Variants in STK3 observed in about 807,000 individuals in gnomAD.
STK3 encodes serine/threonine kinase 3, also known as serine/threonine-protein kinase 3.
In STK3, 41 loss-of-function variants were observed where a neutral mutation model predicts 58.0. The ratio of observed to expected loss-of-function variants is 0.71; its 90% CI spans 0.55 to 0.92. The LOEUF (loss-of-function observed/expected upper bound fraction) is 0.92, where lower values mean the gene tolerates loss of function less well. Among genes scored for constraint, STK3 ranks in the 40% least tolerant of loss-of-function variants. The probability of loss-of-function intolerance (pLI) is 0.00; values close to 1 mark genes in which losing one functional copy is unlikely to be tolerated. For missense variants in STK3, 479 were observed against 602.7 expected (o/e 0.79, Z 2.15); for synonymous variants, 170 against 191.0 (o/e 0.89, Z 0.91).
intron 10 of STK3, among the ~76,000 whole-genome samples, chr8:98,482,767 G>C (rs1252039938): frequency 6.6e-6 from 1 of 152,024 alleles, no homozygotes; most frequent in Non-Finnish European, 1.5e-5. Flanking sequence ...ATTATTCCCT[G>C]GGTAGAAGTT....
chr8:98,919,920 C>T lies in STK3; in HGVS notation c.-79+22458G>A, dbSNP rs1265367242. Among the ~76,000 whole-genome samples the T allele has an allele frequency of 3.9e-5, 6 of 152,274 alleles. 1 individual carries two copies. The South Asian group carries it at 1.2e-3, about 32-fold the overall frequency. On this transcript the variant is annotated intron_variant, in intron 1 of 1. Coordinates refer to the STK3 transcript ENST00000519420. ...ATGTTGGGGGGAGGGAGGAAGGAGC[C>T]TTTTGTCCCCTGCACATTTCTTGTC... is the stretch of plus-strand genomic sequence containing the variant.
intron 3 of STK3, among the ~76,000 whole-genome samples, chr8:98,862,931 A>C (rs907837108): frequency 1.3e-5 from 2 of 152,190 alleles, no homozygotes; most frequent in South Asian, 2.1e-4. Context: ...CACTTGGTGG[A>C]TTGGCCAATT....
At chr8:98,363,827 C>T in the STK3 span, among the ~76,000 whole-genome samples, 1 of 152,298 alleles carries the variant, frequency 6.6e-6, no homozygotes, top group East Asian at 1.9e-4. Context: ...ATTTCACAGC[C>T]AGAGGAGGGC....
intron 4 of STK3, among the ~76,000 whole-genome samples, chr8:98,741,246 T>C (rs1829179574): frequency 6.6e-6 from 1 of 152,228 alleles, no homozygotes; most frequent in Non-Finnish European, 1.5e-5. Context: ...CAAGTGGACC[T>C]AATAGACATC....
intron 4 of STK3, among the ~76,000 whole-genome samples, chr8:98,724,860 T>A (rs1827687055): frequency 6.6e-6 from 1 of 152,152 alleles, no homozygotes; most frequent in Non-Finnish European, 1.5e-5. Context: ...TTTACGTAGG[T>A]CTTAAAGACT....
intron 1 of STK3, among the ~76,000 whole-genome samples, chr8:98,907,488 G>A (rs562863196): frequency 6.6e-6 from 1 of 152,260 alleles, no homozygotes; most frequent in South Asian, 2.1e-4. Flanking sequence ...ACTCCAGCCT[G>A]GGCGACAGGG....
intron 1 of STK3, among the ~76,000 whole-genome samples, chr8:98,445,335 T>C (rs1161889473): frequency 1.3e-5 from 2 of 152,160 alleles, no homozygotes; most frequent in Non-Finnish European, 2.9e-5. Flanking sequence ...TCACGCAAAC[T>C]ACAAATGTGA....
chr8:98,456,003 A>G lies in STK3; in HGVS notation c.1318-3T>C, dbSNP rs764561884. The stretch of plus-strand genomic sequence containing the variant: ...TCTTCTAAACTTAGATTTTTCAACT[A>G]GATACAGAAAGAAAGATACCAATAC... On this transcript the variant is annotated splice_region_variant and splice_polypyrimidine_tract_variant and intron_variant, in intron 10 of 10. Coordinates refer to ENST00000419617, the MANE Select transcript of STK3 (RefSeq NM_006281.4). 6.3e-7 allele frequency: 1 copy of G among 1,599,096 alleles called. No homozygotes were observed. The highest frequency in any genetic ancestry group is 8.5e-7 in the Non-Finnish European group (1 of 1,171,970).
intron 10 of STK3, among the ~76,000 whole-genome samples, chr8:98,492,785 C>T (rs955149001): frequency 4.6e-5 from 7 of 152,074 alleles, no homozygotes; most frequent in African/African-American, 1.2e-4. Context: ...TTCCTTTGAC[C>T]CAGAGTAACA....
At chr8:98,791,935 C>T (rs1311196412) in intron 1 of STK3, among the ~76,000 whole-genome samples, 1 of 152,132 alleles carries the variant, frequency 6.6e-6, no homozygotes, top group African/African-American at 2.4e-5. Context: ...AACCCAAAAG[C>T]AAATGCAATA....
At chr8:98,391,106 T>C (rs1422611564), upstream of STK3, among the ~76,000 whole-genome samples, 1 of 152,210 alleles carries the variant, frequency 6.6e-6, no homozygotes, top group Non-Finnish European at 1.5e-5. Context: ...TAATTTTGAA[T>C]TGTATCCTGG....
intron 3 of STK3, among the ~76,000 whole-genome samples, chr8:98,850,782 T>A (rs1053834460): frequency 6.6e-6 from 1 of 152,114 alleles, no homozygotes; most frequent in African/African-American, 2.4e-5. Context: ...CCTGTGTGCC[T>A]GGGGGTTCAG....
chr8:98,877,746 G>C (rs1003014316), intron 3 of STK3, among the ~76,000 whole-genome samples: 7 of 151,946 alleles, frequency 4.6e-5, no homozygotes, highest in Non-Finnish European at 1.0e-4. Context: ...GCCTCCCAAA[G>C]TGTTGGGATT....
intron 2 of STK3, among the ~76,000 whole-genome samples, chr8:98,372,416 C>G (rs1817619728): frequency 6.6e-6 from 1 of 152,220 alleles, no homozygotes; most frequent in Admixed American, 6.5e-5. Context: ...CGCCACAGCT[C>G]CCCGGCCCCT....
chr8:98,586,345 A>T (rs890312066), intron 7 of STK3, among the ~76,000 whole-genome samples: 38 of 151,896 alleles, frequency 2.5e-4, no homozygotes, highest in African/African-American at 5.6e-4. Flanking sequence ...TCTGCATCTA[A>T]TGAGATAATC....
the STK3 span, among the ~76,000 whole-genome samples, chr8:98,365,954 AT>A: frequency 7.5e-4 from 111 of 147,978 alleles, no homozygotes; most frequent in Admixed American, 2.4e-3. Context: ...TGTGGTTTCC[AT>A]TTTTTTTTTG....
intron 9 of STK3, among the ~76,000 whole-genome samples, chr8:98,545,292 G>T (rs1810609248): frequency 6.6e-6 from 1 of 152,132 alleles, no homozygotes; most frequent in African/African-American, 2.4e-5. Flanking sequence ...GTGCCAGACT[G>T]TGAAGGATCT....
At chr8:98,397,755 C>G (rs1208264622), downstream of STK3, among the ~76,000 whole-genome samples, 2 of 151,990 alleles carry the variant, frequency 1.3e-5, no homozygotes, top group Admixed American at 1.3e-4. Flanking sequence ...AGCGGTTTCT[C>G]CCATGCTGTT....
At chr8:98,414,325 C>G (rs1340375411) in intron 3 of STK3, among the ~76,000 whole-genome samples, 2 of 152,078 alleles carry the variant, frequency 1.3e-5, no homozygotes, top group Admixed American at 6.5e-5. Context: ...TAGGGTCTAC[C>G]ATTTCCTCTC....
Sources: gnomAD v4.1 joint callset for allele counts (sites outside exome capture counted in the v4.1 genomes callset) on GRCh38, gnomAD v4.1.1 for gene constraint, MANE v1.5 for transcripts, NCBI Gene and HGNC (gene_info 2026-07-23, HGNC 2026-07-21) for gene names.